Variants in FLT1 observed in about 807,000 individuals in gnomAD.
The protein encoded by FLT1 is vascular endothelial growth factor receptor 1.
In FLT1, 49 loss-of-function variants were observed where a neutral mutation model predicts 156.3. That is an observed-to-expected ratio of 0.31 (90% CI 0.25 to 0.40). FLT1 has a LOEUF of 0.40. Ranked by LOEUF, FLT1 falls within the 10% of genes least tolerant of loss-of-function variation. The pLI is 1.00. For missense variants in FLT1, 1,322 were observed against 1,637.2 expected, an observed-to-expected ratio of 0.81 and a Z score of 3.32; for synonymous variants, 594 against 583.8, an observed-to-expected ratio of 1.02 and a Z score of -0.25.
rs1279149819 is a variant in FLT1, at chr13:28,345,489, G to C, written c.2311C>G (p.Leu771Val). 1 of 1,613,364 alleles carries C rather than the reference G, an allele frequency of 6.2e-7. No homozygotes were observed. The change falls in exon 16 of 30, where the codon CTC becomes GTC. Residue 771 changes from leucine to valine, a missense_variant. By Grantham distance (32) the Leu-to-Val change is conservative. Transcript: ENST00000282397. ...TLTCTCVAAT[L>V]FWLLLTLFIR... is the part of the protein sequence containing the mutation. Reference sequence around the variant, plus strand: ...AAGAGGGTTAATAGGAGCCAGAAGAGAGTCGCAGCCACACAGGTGCATGTT... The same window carrying C: ...AAGAGGGTTAATAGGAGCCAGAAGACAGTCGCAGCCACACAGGTGCATGTT...
intron 16 of FLT1, among the ~76,000 whole-genome samples, chr13:28,341,507 T>A (rs1189849844): frequency 1.3e-5 from 2 of 152,214 alleles, no homozygotes; most frequent in African/African-American, 4.8e-5. Context: ...AGGGTTGTTG[T>A]GAATATCAAA....
At chr13:28,429,405 A>G (rs1463318047) in intron 8 of FLT1, among the ~76,000 whole-genome samples, 4 of 152,218 alleles carry the variant, frequency 2.6e-5, no homozygotes, top group Admixed American at 2.6e-4. Flanking sequence ...GGCATTTAAC[A>G]GTAATTTTGT....
intron 29 of FLT1, among the ~76,000 whole-genome samples, chr13:28,304,085 CA>C (rs774790585): frequency 1.3e-5 from 2 of 152,138 alleles, no homozygotes; most frequent in African/African-American, 2.4e-5. Flanking sequence ...TGGGATGAGG[CA>C]GGGAACCCGT....
At chr13:28,438,103 G>A (rs1452575184) in intron 4 of FLT1, 118 bp downstream of exon 4, 1 of 951,460 alleles carries the variant, frequency 1.1e-6, no homozygotes, top group Non-Finnish European at 1.7e-6. Flanking sequence ...TTACAGGAAA[G>A]TCCACTGAGA....
At chr13:28,443,073 C>T (rs1878422692) in intron 3 of FLT1, among the ~76,000 whole-genome samples, 1 of 152,216 alleles carries the variant, frequency 6.6e-6, no homozygotes, top group South Asian at 2.1e-4. Flanking sequence ...CTCAGACACA[C>T]TGTCACCAGG....
chr13:28,322,263 T>C lies in FLT1; in HGVS notation c.3050A>G (p.Lys1017Arg). ...ARGMEFLSSRKCIHRDLAARN... is the reference protein window; with the variant it reads ...ARGMEFLSSRRCIHRDLAARN... ...AAAACAGTAAACAGCAAGACTGACC[T>C]TTCTGGAAGACAGGAACTCCATGCC... The change falls in exon 22 of 30, where the codon AAG (lysine) becomes AGG (arginine). Residue 1017 changes from lysine (K) to arginine (R), a missense_variant and splice_region_variant. By Grantham distance (26) the Lys-to-Arg change is conservative. Transcript: ENST00000282397. This position sits in a 1 kb window ranked among gnomAD's most constrained non-coding sequence, Gnocchi z 4.3. 1 of 1,594,928 alleles carries C rather than the reference T, an allele frequency of 6.3e-7. No individual in the cohort carries two copies.
intron 3 of FLT1, 76 bp downstream of exon 3, chr13:28,466,827 T>G: frequency 9.5e-7 from 1 of 1,049,290 alleles, no homozygotes; most frequent in Non-Finnish European, 1.5e-6. Context: ...AAAGCAACCT[T>G]TCCAATGGAT....
chr13:28,333,761 T>C (rs1454133022), intron 18 of FLT1, among the ~76,000 whole-genome samples: 1 of 152,216 alleles, frequency 6.6e-6, no homozygotes, highest in African/African-American at 2.4e-5. Context: ...CAGTCTGTGA[T>C]GTGAGATGAG....
intron 14 of FLT1, among the ~76,000 whole-genome samples, chr13:28,360,094 A>C (rs1316250591): frequency 6.6e-6 from 1 of 152,226 alleles, no homozygotes; most frequent in African/African-American, 2.4e-5. Flanking sequence ...TGGGTGACAG[A>C]GCGAGACTTT....
chr13:28,425,831 A>G (rs1877308205), intron 10 of FLT1, among the ~76,000 whole-genome samples: 1 of 152,226 alleles, frequency 6.6e-6, no homozygotes, highest in Non-Finnish European at 1.5e-5. Flanking sequence ...GCAAAATAGT[A>G]TAGAATTTCA....
intron 10 of FLT1, among the ~76,000 whole-genome samples, chr13:28,412,473 G>C (rs1278584350): frequency 6.7e-6 from 1 of 149,666 alleles, no homozygotes; most frequent in Non-Finnish European, 1.5e-5. Flanking sequence ...TCAGGCTGGA[G>C]TGCAGTGGCA....
chr13:28,334,815 T>C (rs918626107), intron 17 of FLT1, among the ~76,000 whole-genome samples: 1 of 152,196 alleles, frequency 6.6e-6, no homozygotes, highest in Admixed American at 6.5e-5. Context: ...CATAATGCTA[T>C]GCTATAATGA....
chr13:28,412,031 G>T (rs1157455993), intron 10 of FLT1, among the ~76,000 whole-genome samples: 1 of 152,114 alleles, frequency 6.6e-6, no homozygotes, highest in Non-Finnish European at 1.5e-5. Flanking sequence ...TTCAAGCTAG[G>T]AAACAAAAGG....
intron 3 of FLT1, among the ~76,000 whole-genome samples, chr13:28,458,759 G>A (rs992513704): frequency 2.0e-5 from 3 of 152,116 alleles, no homozygotes; most frequent in African/African-American, 4.8e-5. Flanking sequence ...CAATTTCCAC[G>A]TAGCTGGAAA....
chr13:28,316,848 C>G (rs1315569529), intron 25 of FLT1, among the ~76,000 whole-genome samples: 1 of 152,070 alleles, frequency 6.6e-6, no homozygotes, highest in East Asian at 1.9e-4. Flanking sequence ...GTCTCGAACT[C>G]CTGACCTCAA....
intron 10 of FLT1, among the ~76,000 whole-genome samples, chr13:28,408,136 A>C (rs891193842): frequency 6.6e-6 from 1 of 152,216 alleles, no homozygotes; most frequent in Admixed American, 6.5e-5. Context: ...AGCAAGGAAA[A>C]AGATCGGGGA....
intron 3 of FLT1, among the ~76,000 whole-genome samples, chr13:28,461,432 T>C (rs1879572299): frequency 1.3e-5 from 2 of 152,152 alleles, no homozygotes. Flanking sequence ...GTCCAGCTCA[T>C]GCAAGTCACT....
chr13:28,362,634 C>A (rs528624398), intron 14 of FLT1, among the ~76,000 whole-genome samples: 1 of 152,070 alleles, frequency 6.6e-6, no homozygotes, highest in African/African-American at 2.4e-5. Flanking sequence ...GCCTGGGCAA[C>A]ATAATGAGAC....
At chr13:28,304,712 C>G (rs1032015640) in intron 29 of FLT1, among the ~76,000 whole-genome samples, 1 of 152,114 alleles carries the variant, frequency 6.6e-6, no homozygotes, top group East Asian at 1.9e-4. Context: ...AGCCCCAGCC[C>G]AAGGAAACTA....
Sources: allele counts gnomAD v4.1 joint callset (sites outside exome capture counted in the v4.1 genomes callset), GRCh38; gene constraint gnomAD v4.1.1; non-coding constraint Gnocchi (gnomAD v3.1); transcripts MANE v1.5; gene names NCBI Gene and HGNC (gene_info 2026-07-23, HGNC 2026-07-21).